RHEX: variants seen among roughly 807,000 people sequenced by gnomAD.
RHEX encodes the protein regulator of hemoglobinization and erythroid cell expansion protein.
RHEX carries 18 observed loss-of-function variants against 20.1 expected under a neutral mutation model. That is an observed-to-expected ratio of 0.90 (90% CI 0.62 to 1.33). The LOEUF is 1.33. Ranked by LOEUF, RHEX falls within the 40% of genes most tolerant of loss-of-function variation. The pLI is 0.00. For missense variants in RHEX, 192 were observed against 214.3 expected (o/e 0.90, Z 0.65); for synonymous variants, 87 against 77.1 (o/e 1.13, Z -0.67).
At chr1:206,068,473 G>A (rs782379876) in intron 1 of RHEX, among the ~76,000 whole-genome samples, 1 of 152,130 alleles carries the variant, frequency 6.6e-6, no homozygotes, top group Non-Finnish European at 1.5e-5. Context: ...ATGAAGAGGG[G>A]ACTGAAATCC....
At chr1:206,072,009 G>A (rs1048395252) in intron 1 of RHEX, among the ~76,000 whole-genome samples, 12 of 152,182 alleles carry the variant, frequency 7.9e-5, no homozygotes, top group Non-Finnish European at 1.2e-4. Context: ...AGCCATATGA[G>A]TTAAAACCCT....
At chr1:206,076,626 A>G (rs1306203286) in intron 1 of RHEX, among the ~76,000 whole-genome samples, 1 of 152,228 alleles carries the variant, frequency 6.6e-6, no homozygotes, top group Non-Finnish European at 1.5e-5. Flanking sequence ...TGTTTATGCC[A>G]TGTACTTCCC....
intron 1 of RHEX, among the ~76,000 whole-genome samples, chr1:206,053,794 T>C (rs1301600086): frequency 2.0e-5 from 3 of 152,192 alleles, no homozygotes; most frequent in Admixed American, 6.5e-5. Flanking sequence ...TTTCCATACA[T>C]AGAAAGTTAC....
rs1553288474 is a variant in RHEX at position 206,101,850 on chromosome 1, A to G, written c.417A>G (p.Thr139=). ...ACTATGAGAACATAAAGGAAATCAC[A>G]GATTATGTCAATGTCAATCCAGAAA... The part of the protein sequence containing the change: ...PLDYENIKEI[T]DYVNVNPERH... The change falls in exon 6 of 6, where the codon ACA becomes ACG. Residue 139 remains threonine (T), a synonymous_variant. Transcript: ENST00000331555. 6.2e-7 allele frequency: 1 copy of G among 1,613,952 alleles called. No homozygotes were observed. The highest frequency in any genetic ancestry group is 8.5e-7 in the Non-Finnish European group (1 of 1,179,842).
intron 1 of RHEX, among the ~76,000 whole-genome samples, chr1:206,081,930 T>C (rs78156678): frequency 0.015 from 2,285 of 152,298 alleles, 55 homozygotes; most frequent in African/African-American, 0.052. Context: ...GATTACTTAG[T>C]GTCCATGGCT....
rs1553288328 is a variant in RHEX, at chr1:206,101,155, A to C, written c.276A>C (p.Ser92=). ...CCCCAGATGACAGCGACACACCCTCAGATAGCTTGGATAGCTCCTGCAGTT... is the reference window on the plus strand; with the variant it reads ...CCCCAGATGACAGCGACACACCCTCCGATAGCTTGGATAGCTCCTGCAGTT... ...SLYRHDSDTP[S]DSLDSSCSSP... Residue 92 remains serine (S), a synonymous_variant, in exon 5 of 6, where the codon TCA becomes TCC. Coordinates refer to ENST00000331555, the MANE Select transcript of RHEX (RefSeq NM_001007544.4). 2 of 1,613,160 alleles carry C rather than the reference A, an allele frequency of 1.2e-6. No homozygotes were observed. The highest frequency in any genetic ancestry group is 2.2e-5 in the South Asian group (2 of 90,890).
At chr1:206,064,652 T>TG (rs1359610905) in intron 1 of RHEX, among the ~76,000 whole-genome samples, 36 of 125,192 alleles carry the variant, frequency 2.9e-4, no homozygotes, top group Non-Finnish European at 4.0e-4. Context: ...CGGGGGGAGG[T>TG]GGGGGGGTCA....
At chr1:206,063,732 C>T (rs1425191758) in intron 1 of RHEX, among the ~76,000 whole-genome samples, 3 of 152,214 alleles carry the variant, frequency 2.0e-5, no homozygotes, top group South Asian at 2.1e-4. Flanking sequence ...GGCGTGATCT[C>T]GGCTGGCTAC....
intron 1 of RHEX, among the ~76,000 whole-genome samples, chr1:206,070,790 T>C (rs1000508854): frequency 1.3e-5 from 2 of 152,044 alleles, no homozygotes; most frequent in Admixed American, 6.5e-5. Flanking sequence ...CCCACTACCC[T>C]CCCCACCACT....
intron 1 of RHEX, among the ~76,000 whole-genome samples, chr1:206,082,345 C>T (rs1355995250): frequency 6.6e-6 from 1 of 151,938 alleles, no homozygotes; most frequent in Non-Finnish European, 1.5e-5. Context: ...TGATGAAACC[C>T]TGTCTCTACT....
At chr1:206,099,869 C>T (rs1663153649) in intron 4 of RHEX, 71 bp downstream of exon 4, 1 of 1,461,312 alleles carries the variant, frequency 6.8e-7, no homozygotes, top group Non-Finnish European at 9.5e-7. Flanking sequence ...CAGGACCTCC[C>T]TGCAGCAACC....
intron 1 of RHEX, among the ~76,000 whole-genome samples, chr1:206,065,825 A>G (rs1189141871): frequency 2.6e-5 from 4 of 152,168 alleles, no homozygotes; most frequent in Non-Finnish European, 5.9e-5. Context: ...GGTCTTGGTG[A>G]TAGGGTGGGG....
intron 1 of RHEX, among the ~76,000 whole-genome samples, chr1:206,089,181 C>CA (rs1662897878): frequency 6.8e-6 from 1 of 147,280 alleles, no homozygotes; most frequent in South Asian, 2.1e-4. Flanking sequence ...ATTAGTTGTA[C>CA]TTTTTTTTTT....
chr1:206,093,854 G>A (rs1195784666), intron 1 of RHEX, among the ~76,000 whole-genome samples: 3 of 151,798 alleles, frequency 2.0e-5, no homozygotes, highest in Non-Finnish European at 4.4e-5. Flanking sequence ...TTTTTTGGTC[G>A]GGGGAGGAGG....
At chr1:206,061,472 C>T (rs1432374885) in intron 1 of RHEX, 4 of 152,294 alleles carry the variant, frequency 2.6e-5, no homozygotes, top group Non-Finnish European at 1.5e-5. Context: ...AGACCCCACA[C>T]AGAGGGTGGT....
rs782142519 is a variant in RHEX at position 206,097,847 on chromosome 1, G to A, written c.11+8G>A. ...GCTCATCATGCTGACAGAGTGAGTGGGCCCAACAAGAGCAGGAGCAAGGTT... is the reference window on the plus strand; with the variant it reads ...GCTCATCATGCTGACAGAGTGAGTGAGCCCAACAAGAGCAGGAGCAAGGTT... On this transcript the variant is annotated splice_region_variant and intron_variant, in intron 2 of 5. Coordinates refer to ENST00000331555, the MANE Select transcript of RHEX (RefSeq NM_001007544.4). The A allele has an allele frequency of 6.3e-6, 10 of 1,592,430 alleles. No homozygotes were observed. Among genetic ancestry groups the A allele is most frequent in the African/African-American group, 4.0e-5 (3 of 74,536 alleles).
chr1:206,100,071 C>T (rs544294304), intron 4 of RHEX, among the ~76,000 whole-genome samples: 1 of 152,300 alleles, frequency 6.6e-6, no homozygotes, highest in South Asian at 2.1e-4. Flanking sequence ...AATGTCCCTG[C>T]TCTTCTCTTT....
At chr1:206,099,874 G>A in intron 4 of RHEX, 76 bp downstream of exon 4, 1 of 1,408,770 alleles carries the variant, frequency 7.1e-7, no homozygotes, top group Non-Finnish European at 9.9e-7. Flanking sequence ...CCTCCCTGCA[G>A]CAACCCCATG....
At chr1:206,082,854 TTGTC>T (rs201499628) in intron 1 of RHEX, among the ~76,000 whole-genome samples, 2,129 of 152,208 alleles carry the variant, frequency 0.014, 59 homozygotes, top group Admixed American at 0.071. Context: ...TCTGTTTTCT[TTGTC>T]TGTTTTATAT....
Sources: gnomAD v4.1 joint callset for allele counts (sites outside exome capture counted in the v4.1 genomes callset) on GRCh38, gnomAD v4.1.1 for gene constraint, MANE v1.5 for transcripts, NCBI Gene and HGNC (gene_info 2026-07-23, HGNC 2026-07-21) for gene names.